SUFU: variants seen among roughly 807,000 people sequenced by gnomAD.
SUFU encodes the protein suppressor of fused homolog.
In SUFU, 7 loss-of-function variants were observed where a neutral mutation model predicts 58.9. The ratio of observed to expected loss-of-function variants is 0.12; its 90% CI spans 0.07 to 0.22. SUFU has a LOEUF of 0.22. Ranked by LOEUF, SUFU falls within the 10% of genes least tolerant of loss-of-function variation. The probability of loss-of-function intolerance (pLI) is 1.00; values close to 1 mark genes in which losing one functional copy is unlikely to be tolerated. For missense variants in SUFU, 451 were observed against 641.3 expected, an observed-to-expected ratio of 0.70 and a Z score of 3.20; for synonymous variants, 232 against 254.8, an observed-to-expected ratio of 0.91 and a Z score of 0.85.
chr10:102,514,973 C>G (rs7094366), intron 2 of SUFU, among the ~76,000 whole-genome samples: 53,365 of 152,116 alleles, frequency 0.35, 9,523 homozygotes, highest in African/African-American at 0.39. Context: ...GGAGTTGGCC[C>G]AAAAGCATGG....
intron 3 of SUFU, among the ~76,000 whole-genome samples, chr10:102,554,465 C>T (rs1175247329): frequency 1.3e-5 from 2 of 152,166 alleles, no homozygotes; most frequent in African/African-American, 4.8e-5. Flanking sequence ...TTTCACAAAC[C>T]ACATACACCC....
chr10:102,521,143 T>G (rs1224639736), intron 2 of SUFU, among the ~76,000 whole-genome samples: 1 of 152,220 alleles, frequency 6.6e-6, no homozygotes, highest in East Asian at 1.9e-4. Flanking sequence ...TGGTATTGTC[T>G]GTTTTTTGGA....
rs1385280256 is a variant in SUFU, at chr10:102,628,878, G to A, written c.1366-1188G>A. ...AATTAGAAAAGACAGACCCTGGGCC[G>A]GGCGCAGTGACTCATGTCTGTAATC... On this transcript the variant is annotated intron_variant, in intron 11 of 11. Transcript: ENST00000369902. This position sits in a 1 kb window ranked among gnomAD's most constrained non-coding sequence, Gnocchi z 4.5. Among the ~76,000 whole-genome samples, 5 of 151,904 alleles carry A rather than the reference G, an allele frequency of 3.3e-5. No individual in the cohort carries two copies. The highest frequency in any genetic ancestry group is 6.6e-5 in the Admixed American group (1 of 15,236).
chr10:102,601,158 A>G (rs2063511972), intron 8 of SUFU, among the ~76,000 whole-genome samples: 1 of 152,174 alleles, frequency 6.6e-6, no homozygotes, highest in Admixed American at 6.5e-5. Context: ...TCTAGGCAGA[A>G]GGGCACAAGC....
chr10:102,554,712 C>A (rs1052166383), intron 3 of SUFU, among the ~76,000 whole-genome samples: 1 of 152,198 alleles, frequency 6.6e-6, no homozygotes. Context: ...CTGTGACTGC[C>A]AGATCAAGGC....
chr10:102,503,470 G>T (rs2062276211), upstream of SUFU, among the ~76,000 whole-genome samples: 2 of 152,172 alleles, frequency 1.3e-5, no homozygotes, highest in Non-Finnish European at 2.9e-5. Context: ...GAAAATGGAG[G>T]TGAAGAGAGG....
chr10:102,617,548 C>A lies in SUFU; in HGVS notation c.1296+120C>A. Reference sequence around the variant, plus strand: ...CCTGGGGGGCTGGTCATGAATGCCTCATGGATTCAGGGCCTGGGGCCTGTG... The same window carrying A: ...CCTGGGGGGCTGGTCATGAATGCCTAATGGATTCAGGGCCTGGGGCCTGTG... On this transcript the variant is annotated intron_variant, in intron 10 of 11. Coordinates refer to ENST00000369902, the MANE Select transcript of SUFU (RefSeq NM_016169.4). This position sits in a 1 kb window ranked among gnomAD's most constrained non-coding sequence, Gnocchi z 4.4. 1 of 1,427,894 alleles carries A rather than the reference C, an allele frequency of 7.0e-7. No homozygotes were observed. Among genetic ancestry groups the A allele is most frequent in the Non-Finnish European group, 9.8e-7 (1 of 1,018,998 alleles). The allele number at this position is 1,427,894 out of a possible 1,614,324, so 88.5% of individuals were successfully genotyped here. A position where few individuals can be genotyped will look rare whatever the true frequency, so the allele number is the denominator to read the frequency against.
chr10:102,614,730 G>T (rs1320963324), intron 8 of SUFU, among the ~76,000 whole-genome samples: 2 of 151,726 alleles, frequency 1.3e-5, no homozygotes, highest in African/African-American at 4.8e-5. Flanking sequence ...ACAAAAATTA[G>T]CTGGGTGTAG....
In SUFU at chr10:102,625,164, G is replaced by C. The variant is rs1269367206; in HGVS notation, c.1297-2011G>C. ...TGGGGAGGACACCCCTGGGATAAGAGAGTAGGAGGAGCAAGGGCTTAGGCT... is the reference window on the plus strand; with the variant it reads ...TGGGGAGGACACCCCTGGGATAAGACAGTAGGAGGAGCAAGGGCTTAGGCT... On this transcript the variant is annotated intron_variant, in intron 10 of 11. Coordinates refer to ENST00000369902, the MANE Select transcript of SUFU (RefSeq NM_016169.4). The surrounding 1 kb of genome is among the most constrained non-coding windows in gnomAD (Gnocchi z 4.7). Among the ~76,000 whole-genome samples, 3 of 152,372 alleles carry C rather than the reference G, an allele frequency of 2.0e-5. No homozygotes were observed. Among genetic ancestry groups the C allele is most frequent in the East Asian group, 3.9e-4 (2 of 5,190 alleles).
chr10:102,525,246 G>C (rs1017692984), intron 2 of SUFU, among the ~76,000 whole-genome samples: 4 of 152,080 alleles, frequency 2.6e-5, no homozygotes, highest in African/African-American at 9.7e-5. Flanking sequence ...AAGTAGCTGG[G>C]ATTACAGGGC....
intron 3 of SUFU, among the ~76,000 whole-genome samples, chr10:102,553,537 C>T (rs1311723191): frequency 2.0e-5 from 3 of 151,324 alleles, no homozygotes; most frequent in Non-Finnish European, 4.4e-5. Flanking sequence ...GATCTTGGCT[C>T]ACTGCAAGCT....
At chr10:102,593,468 G>A (rs984069733) in intron 4 of SUFU, among the ~76,000 whole-genome samples, 168 bp from the exon 5 acceptor site, 5 of 152,206 alleles carry the variant, frequency 3.3e-5, no homozygotes, top group Non-Finnish European at 7.3e-5. Context: ...CAGCCAGGCA[G>A]CCACTCCCTC....
intron 3 of SUFU, among the ~76,000 whole-genome samples, chr10:102,570,623 C>G (rs2063150719): frequency 6.6e-6 from 1 of 152,190 alleles, no homozygotes; most frequent in Non-Finnish European, 1.5e-5. Flanking sequence ...AGTCCTTCCC[C>G]CTTCCTCTTC....
At position 102,619,943 on chromosome 10, in the gene SUFU, G is replaced by T. The variant is rs891292021; in HGVS notation, c.1296+2515G>T. 2.0e-5 allele frequency among the ~76,000 whole-genome samples: 3 copies of T among 152,162 alleles called. No homozygotes were observed. Among genetic ancestry groups the T allele is most frequent in the Non-Finnish European group, 4.4e-5 (3 of 68,022 alleles). On this transcript the variant is annotated intron_variant, in intron 10 of 11. Coordinates refer to ENST00000369902, the MANE Select transcript of SUFU (RefSeq NM_016169.4). This position sits in a 1 kb window ranked among gnomAD's most constrained non-coding sequence, Gnocchi z 4.2. ...GAGAGCCATAGGTCCCTCAGGAGGG[G>T]ACCCCAGCACAAAGAGGCCCACCCT... is the stretch of plus-strand genomic sequence containing the variant.
intron 3 of SUFU, chr10:102,572,631 A>G (rs964209634): frequency 4.2e-6 from 2 of 471,988 alleles, no homozygotes; most frequent in African/African-American, 4.1e-5. Flanking sequence ...CTCGTGATCC[A>G]CCCTCCTTGG....
At chr10:102,604,729 C>T (rs1201508018) in intron 8 of SUFU, among the ~76,000 whole-genome samples, 1 of 152,002 alleles carries the variant, frequency 6.6e-6, no homozygotes, top group African/African-American at 2.4e-5. Flanking sequence ...TCCTAATCTC[C>T]CACCCAAGTC....
intron 4 of SUFU, 141 bp from the exon 5 acceptor site, chr10:102,593,495 A>G (rs1371868778): frequency 4.6e-6 from 4 of 861,216 alleles, no homozygotes; most frequent in African/African-American, 3.3e-5. Context: ...GAATCATCCA[A>G]TCTTGGCTGC....
In SUFU at chr10:102,631,675, G is replaced by A. The variant is rs917188088; in HGVS notation, c.*1520G>A. 8 of 233,298 alleles carry A rather than the reference G, an allele frequency of 3.4e-5. No individual in the cohort carries two copies. Among genetic ancestry groups the A allele is most frequent in the African/African-American group, 1.5e-4 (7 of 45,352 alleles). The allele number at this position is 233,298 out of a possible 1,614,324, so 14.5% of individuals were successfully genotyped here. On this transcript the variant is annotated 3_prime_UTR_variant, in exon 12 of 12. Coordinates refer to ENST00000369902, the MANE Select transcript of SUFU (RefSeq NM_016169.4). ...CCACAGGGTGCAGGACTCCACTGAT[G>A]AGAGATCCAGCCAAAGAGCTGCCCC...
chr10:102,614,142 G>A (rs2063656750), intron 8 of SUFU, among the ~76,000 whole-genome samples: 1 of 152,204 alleles, frequency 6.6e-6, no homozygotes, highest in African/African-American at 2.4e-5. Flanking sequence ...GAAACTCTTG[G>A]AGCCGCATCT....
Sources: allele counts gnomAD v4.1 joint callset (sites outside exome capture counted in the v4.1 genomes callset), GRCh38; gene constraint gnomAD v4.1.1; non-coding constraint Gnocchi (gnomAD v3.1); transcripts MANE v1.5; gene names NCBI Gene and HGNC (gene_info 2026-07-23, HGNC 2026-07-21).